XPO7: variants seen among roughly 807,000 people sequenced by gnomAD.
XPO7 encodes the protein exportin 7, also known as exportin-7.
In XPO7, 21 loss-of-function variants were observed where a neutral mutation model predicts 144.3. The ratio of observed to expected loss-of-function variants is 0.15; its 90% CI spans 0.10 to 0.21. The LOEUF (loss-of-function observed/expected upper bound fraction) is 0.21, where lower values mean the gene tolerates loss of function less well. XPO7 is among the 10% of genes least tolerant of loss of function. The pLI is 1.00. For synonymous variants in XPO7, 580 were observed against 499.6 expected (o/e 1.16, Z -2.15); for missense variants, 808 against 1,325.8 (o/e 0.61, Z 6.06).
intron 3 of XPO7, 169 bp downstream of exon 3, chr8:21,969,745 C>A: frequency 1.5e-6 from 1 of 654,186 alleles, no homozygotes; most frequent in Non-Finnish European, 2.6e-6. Flanking sequence ...AAGTGAAGGG[C>A]CCGACGCAAT....
intron 12 of XPO7, among the ~76,000 whole-genome samples, chr8:21,985,092 TTC>T (rs1812537736): frequency 1.3e-5 from 2 of 152,206 alleles, no homozygotes; most frequent in African/African-American, 4.8e-5. Flanking sequence ...GGCCTTGTAC[TTC>T]TTGGCTCAAG....
chr8:21,963,556 G>A (rs1458110303), intron 1 of XPO7, among the ~76,000 whole-genome samples: 2 of 152,054 alleles, frequency 1.3e-5, no homozygotes, highest in African/African-American at 2.4e-5. Context: ...TTAGCTGGGC[G>A]TGGTGGCACG....
Position 21,919,807 on chromosome 8 carries a change from G to T in XPO7, c.18+19G>T. On this transcript the variant is annotated intron_variant, in intron 1 of 27. Coordinates refer to ENST00000252512, the MANE Select transcript of XPO7 (RefSeq NM_015024.5). ...TGTGCAGGTGAGAGGAGCCGCGGGGGGGAGGGGGCGACCACGAAGAGCGGC... is the reference window on the plus strand; with the variant it reads ...TGTGCAGGTGAGAGGAGCCGCGGGGTGGAGGGGGCGACCACGAAGAGCGGC... 4.1e-6 allele frequency: 2 copies of T among 485,638 alleles called. No individual in the cohort carries two copies. Among genetic ancestry groups the T allele is most frequent in the Non-Finnish European group, 6.3e-6 (2 of 318,240 alleles). 30.1% of individuals were successfully genotyped at this position (485,638 alleles called of 1,614,324 possible). A position where few individuals can be genotyped will look rare whatever the true frequency, so the allele number is the denominator to read the frequency against.
chr8:21,990,443 C>T, intron 17 of XPO7, 36 bp downstream of exon 17: 1 of 1,607,524 alleles, frequency 6.2e-7, no homozygotes, highest in Admixed American at 1.7e-5. Flanking sequence ...GGCCCTCCTA[C>T]CACCCACACA....
chr8:21,942,800 A>G (rs201322699), intron 1 of XPO7, among the ~76,000 whole-genome samples: 112 of 152,376 alleles, frequency 7.4e-4, no homozygotes, highest in East Asian at 1.9e-3. Flanking sequence ...ATGGAAGACA[A>G]TGTCACAAGA....
Position 21,951,229 on chromosome 8 carries a change from A to G in XPO7, c.19-15628A>G, listed in dbSNP as rs148894158. Reference sequence around the variant, plus strand: ...CCAGAGAGAATCCTTGTTAGGTGACATAGGTAGATATGCTCACCTCTTTGG... The same window carrying G: ...CCAGAGAGAATCCTTGTTAGGTGACGTAGGTAGATATGCTCACCTCTTTGG... On this transcript the variant is annotated intron_variant, in intron 1 of 27. Transcript: ENST00000252512. Among the ~76,000 whole-genome samples, 348 of 152,054 alleles carry G rather than the reference A, an allele frequency of 2.3e-3. 2 individuals carry two copies. The highest frequency in any genetic ancestry group is 3.7e-3 in the Non-Finnish European group (249 of 67,980).
intron 1 of XPO7, among the ~76,000 whole-genome samples, chr8:21,938,915 CTTA>C (rs1810902821): frequency 6.6e-6 from 1 of 152,094 alleles, no homozygotes; most frequent in African/African-American, 2.4e-5. Flanking sequence ...TTTTAAATCT[CTTA>C]TTATACTTTT....
At chr8:21,965,175 A>AG (rs1311616354) in intron 1 of XPO7, among the ~76,000 whole-genome samples, 1 of 149,048 alleles carries the variant, frequency 6.7e-6, no homozygotes, top group Non-Finnish European at 1.5e-5. Context: ...ATTTTGTAGG[A>AG]GGGGGGAAAT....
intron 1 of XPO7, among the ~76,000 whole-genome samples, chr8:21,920,342 C>T (rs967245894): frequency 2.0e-5 from 3 of 152,158 alleles, no homozygotes; most frequent in Non-Finnish European, 2.9e-5. Flanking sequence ...TGCGCCCTTC[C>T]CTCCGACACT....
intron 1 of XPO7, among the ~76,000 whole-genome samples, chr8:21,925,931 A>T (rs946211654): frequency 1.3e-5 from 2 of 152,182 alleles, no homozygotes; most frequent in Non-Finnish European, 2.9e-5. Flanking sequence ...TTTTTCTGTA[A>T]GATCTAGTCA....
chr8:21,945,329 G>T (rs544552926), intron 1 of XPO7, among the ~76,000 whole-genome samples: 1 of 150,562 alleles, frequency 6.6e-6, no homozygotes, highest in Non-Finnish European at 1.5e-5. Flanking sequence ...TGCTGGAATA[G>T]AAGTCTAACA....
intron 2 of XPO7, among the ~76,000 whole-genome samples, chr8:21,967,503 T>A (rs1811922310): frequency 6.6e-6 from 1 of 152,132 alleles, no homozygotes; most frequent in Non-Finnish European, 1.5e-5. Flanking sequence ...GCTAATTTTG[T>A]ATTTTTTTTA....
At position 22,006,388 on chromosome 8, in the gene XPO7, C is replaced by G. The variant is rs1437096899; in HGVS notation, c.*1300C>G. On this transcript the variant is annotated 3_prime_UTR_variant, in exon 28 of 28. Transcript: ENST00000252512. ...TCTAGTTCAGCTCTTGCCCACGGGA[C>G]ACTCATCAATTAGGTTTTATTTTTA... 1.3e-5 allele frequency: 2 copies of G among 152,168 alleles called. No homozygotes were observed. Among genetic ancestry groups the G allele is most frequent in the Non-Finnish European group, 2.9e-5 (2 of 68,028 alleles). The allele number at this position is 152,168 out of a possible 1,614,324, so 9.4% of individuals were successfully genotyped here. A position where few individuals can be genotyped will look rare whatever the true frequency, so the allele number is the denominator to read the frequency against.
intron 1 of XPO7, among the ~76,000 whole-genome samples, chr8:21,953,755 T>C (rs1395770669): frequency 1.3e-5 from 2 of 152,256 alleles, no homozygotes; most frequent in African/African-American, 4.8e-5. Context: ...AGTTTCTTGA[T>C]GATACATGAT....
In XPO7 at chr8:21,951,232, G is replaced by T. The variant is rs143620992; in HGVS notation, c.19-15625G>T. Among the ~76,000 whole-genome samples the T allele has an allele frequency of 2.2e-3, 333 of 151,902 alleles. 1 individual carries two copies. Among genetic ancestry groups the T allele is most frequent in the African/African-American group, 7.4e-3 (306 of 41,400 alleles). ...GAGAGAATCCTTGTTAGGTGACATA[G>T]GTAGATATGCTCACCTCTTTGGTTA... On this transcript the variant is annotated intron_variant, in intron 1 of 27. Transcript: ENST00000252512.
At chr8:21,974,934 G>A (rs1237699920) in intron 6 of XPO7, among the ~76,000 whole-genome samples, 160 bp downstream of exon 6, 1 of 152,166 alleles carries the variant, frequency 6.6e-6, no homozygotes, top group African/African-American at 2.4e-5. Flanking sequence ...TGAAGAAACT[G>A]GTCAGAGTGA....
At chr8:21,920,506 A>G (rs1465425848) in intron 1 of XPO7, among the ~76,000 whole-genome samples, 1 of 152,030 alleles carries the variant, frequency 6.6e-6, no homozygotes, top group African/African-American at 2.4e-5. Context: ...GTGTGTCTGA[A>G]ATGAGAGATG....
In XPO7 at chr8:21,987,857, T is replaced by C. The variant is rs377444876; in HGVS notation, c.1787T>C (p.Ile596Thr). The C allele has an allele frequency of 1.5e-5, 24 of 1,613,410 alleles. No homozygotes were observed. Among genetic ancestry groups the C allele is most frequent in the Non-Finnish European group, 1.9e-5 (23 of 1,179,686 alleles). Residue 596 changes from isoleucine to threonine, a missense_variant and splice_region_variant, in exon 15 of 28, where the codon ATC (isoleucine) becomes ACC (threonine). By Grantham distance (89) the Ile-to-Thr change is moderately conservative (BLOSUM62 -1). This residue lies in a region of XPO7 where 416 missense variants were observed against 612.5 expected (regional missense o/e 0.68). Coordinates refer to ENST00000252512, the MANE Select transcript of XPO7 (RefSeq NM_015024.5). Reference protein sequence around the residue: ...TMVLSVFIGKIITNLKYWGRC... With the variant: ...TMVLSVFIGKTITNLKYWGRC... ...GTCCTAAGCGTCTTCATAGGAAAAA[T>C]GTAAGTGTTTCAGCTTGCCACCAGC...
At chr8:21,997,484 A>G (rs887012805) in intron 21 of XPO7, among the ~76,000 whole-genome samples, 6 of 152,242 alleles carry the variant, frequency 3.9e-5, no homozygotes, top group Admixed American at 3.9e-4. Context: ...TGCAAAGATA[A>G]GGAGTCTTCT....
Sources: gnomAD v4.1 joint callset for allele counts (sites outside exome capture counted in the v4.1 genomes callset) on GRCh38, gnomAD v4.1.1 for gene constraint, gnomAD v4.1.1 regional missense constraint, MANE v1.5 for transcripts, NCBI Gene and HGNC (gene_info 2026-07-23, HGNC 2026-07-21) for gene names.